The following TRPC5OS variants were observed in gnomAD, a reference collection of about 807,000 sequenced individuals.
The protein encoded by TRPC5OS is TRPC5 opposite strand.
For synonymous variants in TRPC5OS, 30 were observed against 29.3 expected, an observed-to-expected ratio of 1.02 and a Z score of -0.08; for missense variants, 64 against 79.3, an observed-to-expected ratio of 0.81 and a Z score of 0.73.
At position 111,891,117 on chromosome X, in the gene TRPC5OS, G is replaced by C. The variant is rs1304566806; in HGVS notation, c.-545-4834G>C. On this transcript the variant is annotated intron_variant, in intron 1 of 3. Coordinates refer to ENST00000635763, the MANE Select transcript of TRPC5OS (RefSeq NM_001195578.2). ...CATTTTCTTTATCCAATCTACCATT[G>C]ATGGGCATTTAGGTTGATTCCATGT... 1.2e-4 allele frequency among the ~76,000 whole-genome samples: 13 copies of C among 111,989 alleles called. No individual in the cohort carries two copies. The Admixed American group carries it at 1.2e-3, about 11-fold the overall frequency.
At chrX:111,898,449 T>A (rs1925178879) in intron 3 of TRPC5OS, among the ~76,000 whole-genome samples, 1 of 109,481 alleles carries the variant, frequency 9.1e-6, no homozygotes, top group Non-Finnish European at 1.9e-5. Context: ...CATTTTTGTA[T>A]CCCCTGTTTC....
rs1317895189 is a variant in TRPC5OS at position 111,901,968 on chromosome X, T to C, written c.119T>C (p.Val40Ala). Reference protein sequence around the residue: ...FILQVQEVPYVEENGRAEETE... With the variant: ...FILQVQEVPYAEENGRAEETE... Reference sequence around the variant, plus strand: ...CTACAAGTACAAGAAGTTCCTTATGTAGAAGAAAATGGTAGAGCAGAAGAG... The same window carrying C: ...CTACAAGTACAAGAAGTTCCTTATGCAGAAGAAAATGGTAGAGCAGAAGAG... The change falls in exon 4 of 4, where the codon GTA becomes GCA. Residue 40 changes from valine to alanine, a missense_variant. By Grantham distance (64) the Val-to-Ala change is moderately conservative (BLOSUM62 0). Transcript: ENST00000635763. The C allele has an allele frequency of 8.7e-7, 1 of 1,155,603 alleles. No individual in the cohort carries two copies. The highest frequency in any genetic ancestry group is 2.6e-5 in the Admixed American group (1 of 38,716).
rs186682552 is a variant in TRPC5OS, at chrX:111,894,829, A to T, written c.-545-1122A>T. Among the ~76,000 whole-genome samples, 145 of 111,945 alleles carry T rather than the reference A, an allele frequency of 1.3e-3. 2 individuals are homozygous for T. Among genetic ancestry groups the T allele is most frequent in the African/African-American group, 4.3e-3 (134 of 30,829 alleles). Reference sequence around the variant, plus strand: ...TTTTAACATATGTGATTATATCAAGATATAGAACATTACCAGCACCCCAGA... The same window carrying T: ...TTTTAACATATGTGATTATATCAAGTTATAGAACATTACCAGCACCCCAGA... On this transcript the variant is annotated intron_variant, in intron 1 of 3. Transcript: ENST00000635763.
chrX:111,897,396 A>G (rs1925119121), intron 3 of TRPC5OS, among the ~76,000 whole-genome samples: 1 of 110,922 alleles, frequency 9.0e-6, no homozygotes, highest in East Asian at 2.8e-4. Context: ...GGGGAGTAAA[A>G]TTTACATATA....
At chrX:111,887,310 G>A (rs1162536270) in intron 1 of TRPC5OS, among the ~76,000 whole-genome samples, 1 of 112,373 alleles carries the variant, frequency 8.9e-6, no homozygotes, top group African/African-American at 3.2e-5. Flanking sequence ...TTCTTGGAGA[G>A]AGTGCCATTT....
At chrX:111,888,725 A>AGAGG (rs1924657351) in intron 1 of TRPC5OS, among the ~76,000 whole-genome samples, 1 of 103,383 alleles carries the variant, frequency 9.7e-6, no homozygotes, top group South Asian at 4.3e-4. Flanking sequence ...AAAAAGAAAG[A>AGAGG]AAAGAAAAGA....
intron 1 of TRPC5OS, among the ~76,000 whole-genome samples, chrX:111,889,230 A>G (rs575233105): frequency 9.0e-6 from 1 of 111,683 alleles, no homozygotes; most frequent in East Asian, 2.8e-4. Context: ...GACAAGTAAG[A>G]TGAGACGGAG....
At chrX:111,901,243 T>G (rs774005639) in intron 3 of TRPC5OS, among the ~76,000 whole-genome samples, 2 of 111,558 alleles carry the variant, frequency 1.8e-5, no homozygotes, top group South Asian at 7.6e-4. Context: ...GTGCTAATAA[T>G]TGACAGACCC....
chrX:111,880,460 G>A (rs1924157275), intron 1 of TRPC5OS, among the ~76,000 whole-genome samples: 1 of 112,357 alleles, frequency 8.9e-6, no homozygotes, highest in Non-Finnish European at 1.9e-5. Flanking sequence ...ACAGCCACAG[G>A]CCCTGTCTGG....
chrX:111,893,223 C>T (rs1278619225), intron 1 of TRPC5OS, among the ~76,000 whole-genome samples: 1 of 110,716 alleles, frequency 9.0e-6, no homozygotes, highest in Non-Finnish European at 1.9e-5. Flanking sequence ...GAAATAGAAC[C>T]CCTTTTCCTG....
intron 3 of TRPC5OS, 55 bp downstream of exon 3, chrX:111,896,550 A>T (rs938141635): frequency 6.3e-5 from 7 of 110,997 alleles, no homozygotes; most frequent in African/African-American, 2.3e-4. Flanking sequence ...AAAGATAGGT[A>T]ATGGATATAT....
At chrX:111,883,690 G>C (rs1924340925) in intron 1 of TRPC5OS, among the ~76,000 whole-genome samples, 1 of 112,321 alleles carries the variant, frequency 8.9e-6, no homozygotes, top group Non-Finnish European at 1.9e-5. Flanking sequence ...CATAACCAAT[G>C]CCTAAACTTA....
At chrX:111,878,411 G>C (rs1924058465) in intron 1 of TRPC5OS, among the ~76,000 whole-genome samples, 1 of 111,381 alleles carries the variant, frequency 9.0e-6, no homozygotes, top group African/African-American at 3.3e-5. Flanking sequence ...GCTTCCTTAG[G>C]GCAGAGACTA....
At chrX:111,888,206 A>G (rs1241040577) in intron 1 of TRPC5OS, among the ~76,000 whole-genome samples, 2 of 111,683 alleles carry the variant, frequency 1.8e-5, no homozygotes, top group East Asian at 5.6e-4. Context: ...GCTAGAACAG[A>G]GCAGGAGAGA....
chrX:111,890,857 C>T (rs1461675205), intron 1 of TRPC5OS, among the ~76,000 whole-genome samples: 3 of 111,363 alleles, frequency 2.7e-5, no homozygotes, highest in Non-Finnish European at 5.7e-5. Context: ...TCTCCTGATC[C>T]TTTCCCTCCT....
chrX:111,878,692 C>G (rs370159627), intron 1 of TRPC5OS, among the ~76,000 whole-genome samples: 1 of 111,311 alleles, frequency 9.0e-6, no homozygotes, highest in African/African-American at 3.3e-5. Flanking sequence ...TCCTGATGGG[C>G]AGATGGGTGG....
rs760694250 is a variant in TRPC5OS at position 111,885,542 on chromosome X, GTT to G, written c.-546+9283_-546+9284del. On this transcript the variant is annotated intron_variant, in intron 1 of 3. Coordinates refer to ENST00000635763, the MANE Select transcript of TRPC5OS (RefSeq NM_001195578.2). The stretch of plus-strand genomic sequence containing the variant: ...ATTGGTTGGCCACTCTAATCAAAGG[GTT>G]TTTTTTTTTTTTTAAAAAAAGAAAA... Among the ~76,000 whole-genome samples, 90 of 97,824 alleles carry G rather than the reference GTT, an allele frequency of 9.2e-4. No individual in the cohort carries two copies. In the East Asian group the frequency reaches 0.022, roughly 24 times the overall value. The allele number at this position is 97,824 out of a possible 115,157, so 84.9% of individuals were successfully genotyped here.
chrX:111,897,288 A>C (rs964142282), intron 3 of TRPC5OS, among the ~76,000 whole-genome samples: 5 of 111,821 alleles, frequency 4.5e-5, no homozygotes, highest in African/African-American at 6.5e-5. Flanking sequence ...TAGGTCTCCC[A>C]TTAATGTGAC....
At position 111,901,750 on chromosome X, in the gene TRPC5OS, C is replaced by G; in HGVS notation, c.-100C>G. On this transcript the variant is annotated 5_prime_UTR_variant, in exon 4 of 4. Transcript: ENST00000635763. ...ATCCTAATTTCTGGCCTAAACCAAC[C>G]ACAGAACCATTGTTAGCCCCTTATA... The G allele has an allele frequency of 1.5e-6, 1 of 662,812 alleles. No homozygotes were observed. Among genetic ancestry groups the G allele is most frequent in the Admixed American group, 4.3e-5 (1 of 23,028 alleles). The allele number at this position is 662,812 out of a possible 1,213,427, so 54.6% of individuals were successfully genotyped here. A position where few individuals can be genotyped will look rare whatever the true frequency, so the allele number is the denominator to read the frequency against.
Sources: gnomAD v4.1 joint callset for allele counts (sites outside exome capture counted in the v4.1 genomes callset) on GRCh38, gnomAD v4.1.1 for gene constraint, MANE v1.5 for transcripts, NCBI Gene and HGNC (gene_info 2026-07-23, HGNC 2026-07-21) for gene names.